The following SMPD4 variants were observed in gnomAD, a reference collection of about 807,000 sequenced individuals.
The protein encoded by SMPD4 is neutral sphingomyelinase 3.
A neutral mutation model predicts 97.8 loss-of-function variants in SMPD4; 58 were observed. That is an observed-to-expected ratio of 0.59 (90% confidence interval 0.48 to 0.74). SMPD4 has a LOEUF of 0.74. SMPD4 is among the 30% of genes least tolerant of loss of function. SMPD4 has a pLI of 0.00. For missense variants in SMPD4, 853 were observed against 1,080.5 expected (o/e 0.79, Z 2.95); for synonymous variants, 388 against 450.0 (o/e 0.86, Z 1.74).
chr2:130,169,200 C>T (rs1037196385), intron 8 of SMPD4, among the ~76,000 whole-genome samples: 3 of 152,148 alleles, frequency 2.0e-5, no homozygotes, highest in South Asian at 2.1e-4. Context: ...GCCTAAGGGG[C>T]GGCCGCATGC....
chr2:130,164,418 A>G lies in SMPD4; in HGVS notation c.820T>C (p.Tyr274His), dbSNP rs1687729580. The stretch of plus-strand genomic sequence containing the variant: ...ATTTTTTGATACATCTCCAAGGAAT[A>G]GTGATGAAGCCACATTTCAACAAAA... ...QVFVEMWLHHYSLEMYQKMQS... is the reference protein window; with the variant it reads ...QVFVEMWLHHHSLEMYQKMQS... The change falls in exon 10 of 20, where the codon TAT becomes CAT. Residue 274 changes from tyrosine to histidine, a missense_variant. Physicochemically the swap from Tyr to His is moderately conservative, Grantham distance 83. Around this residue, in one of 3 missense-constraint regions of SMPD4, gnomAD observed 313 missense variants for 402.2 expected, o/e 0.78. Transcript: ENST00000680298. The G allele has an allele frequency of 6.2e-7, 1 of 1,614,068 alleles. No homozygotes were observed. The highest frequency in any genetic ancestry group is 8.5e-7 in the Non-Finnish European group (1 of 1,180,024).
chr2:130,155,920 CG>C, intron 14 of SMPD4, 114 bp downstream of exon 14: 2 of 1,044,284 alleles, frequency 1.9e-6, no homozygotes, highest in East Asian at 2.5e-5. Context: ...CAGGAGGCCA[CG>C]GGGGCCAGGG....
rs548634162 is a variant in SMPD4, at chr2:130,164,131, G to T, written c.864+243C>A. 3.3e-5 allele frequency among the ~76,000 whole-genome samples: 5 copies of T among 152,300 alleles called. No homozygotes were observed. The East Asian group carries it at 9.7e-4, about 29-fold the overall frequency. ...GGGGGCTCAGGAAGCTGCACAGGGA[G>T]GGCCCCGGAGAGGCCAGACTTCCAG... On this transcript the variant is annotated intron_variant, in intron 10 of 19. Transcript: ENST00000680298.
chr2:130,159,984 A>G (rs1038169020), intron 11 of SMPD4, among the ~76,000 whole-genome samples: 1 of 152,102 alleles, frequency 6.6e-6, no homozygotes, highest in Non-Finnish European at 1.5e-5. Flanking sequence ...ATTTTCCCAT[A>G]GGTTTGCTGA....
intron 9 of SMPD4, among the ~76,000 whole-genome samples, chr2:130,164,650 C>T (rs1344985544): frequency 6.6e-6 from 1 of 152,120 alleles, no homozygotes; most frequent in Non-Finnish European, 1.5e-5. Context: ...TAAAACCATA[C>T]ACTCTTAGAA....
chr2:130,175,362 C>T (rs918372891), intron 2 of SMPD4, among the ~76,000 whole-genome samples: 9 of 152,138 alleles, frequency 5.9e-5, no homozygotes, highest in African/African-American at 2.2e-4. Flanking sequence ...TCACAAACCA[C>T]AGAGTATAAC....
chr2:130,162,922 G>A (rs1687566620), intron 10 of SMPD4, among the ~76,000 whole-genome samples: 2 of 152,212 alleles, frequency 1.3e-5, no homozygotes, highest in South Asian at 4.1e-4. Flanking sequence ...CTGGCCAAGA[G>A]GAAGCAAATG....
At chr2:130,168,276 T>C (rs1688113233) in intron 8 of SMPD4, among the ~76,000 whole-genome samples, 1 of 151,940 alleles carries the variant, frequency 6.6e-6, no homozygotes, top group Non-Finnish European at 1.5e-5. Context: ...ATACAAAAAT[T>C]AGCCAGGTGT....
Position 130,172,615 on chromosome 2 carries a change from C to G in SMPD4, c.507+10G>C. On this transcript the variant is annotated intron_variant, in intron 7 of 19. Transcript: ENST00000680298. ...CCCACCTCTCCCAGCAAAAGGCATC[C>G]CTTCCTTACCTTCTGAGTGATGAGG... The G allele has an allele frequency of 6.2e-7, 1 of 1,614,152 alleles. No homozygotes were observed. Among genetic ancestry groups the G allele is most frequent in the Non-Finnish European group, 8.5e-7 (1 of 1,179,984 alleles).
intron 1 of SMPD4, chr2:130,181,269 G>T (rs1689584633): frequency 7.3e-7 from 1 of 1,367,624 alleles, no homozygotes; most frequent in Non-Finnish European, 9.4e-7. Context: ...TTCCTTCAAC[G>T]AAGGTTAACC....
At chr2:130,152,986 G>T (rs916705816) in intron 19 of SMPD4, 57 bp downstream of exon 19, 99 of 1,572,988 alleles carry the variant, frequency 6.3e-5, no homozygotes, top group Non-Finnish European at 8.1e-5. Flanking sequence ...TGCACCCCAG[G>T]CAGGAGCATC....
chr2:130,156,782 C>T (rs775612752), intron 12 of SMPD4, 107 bp from the exon 13 acceptor site: 1 of 1,551,326 alleles, frequency 6.4e-7, no homozygotes, highest in South Asian at 1.2e-5. Context: ...CGGGGGAGAG[C>T]ACTGGGCACC....
Position 130,152,449 on chromosome 2 carries a change from G to A in SMPD4, c.*106C>T, listed in dbSNP as rs770480115. ...TGCAGGAACCCCGCTCCAGAAGCCC[G>A]AGGATGACCGTGTTCCCTCCTGGAG... On this transcript the variant is annotated 3_prime_UTR_variant, in exon 20 of 20. Coordinates refer to ENST00000680298, the MANE Select transcript of SMPD4 (RefSeq NM_017951.5). 2.2e-5 allele frequency: 28 copies of A among 1,267,574 alleles called. No individual in the cohort carries two copies. The highest frequency in any genetic ancestry group is 3.0e-5 in the African/African-American group (2 of 66,266). 78.5% of individuals were successfully genotyped at this position (1,267,574 alleles called of 1,614,324 possible). A position where few individuals can be genotyped will look rare whatever the true frequency, so the allele number is the denominator to read the frequency against.
rs537309643 is a variant in SMPD4 at position 130,179,110 on chromosome 2, G to A, written c.-46+2420C>T. On this transcript the variant is annotated intron_variant, in intron 1 of 19. Transcript: ENST00000680298. Reference sequence around the variant, plus strand: ...TCTCGGCAATAGGAACATCTCCCAAGTTTTTTCAATTCTTTTTTTTTTTTT... The same window carrying A: ...TCTCGGCAATAGGAACATCTCCCAAATTTTTTCAATTCTTTTTTTTTTTTT... Among the ~76,000 whole-genome samples the A allele has an allele frequency of 1.9e-4, 29 of 149,356 alleles. 1 individual carries two copies. The South Asian group carries it at 4.9e-3, about 25-fold the overall frequency.
Position 130,173,267 on chromosome 2 carries a change from T to C in SMPD4, c.345+12A>G, listed in dbSNP as rs1211251437. 1 of 1,613,450 alleles carries C rather than the reference T, an allele frequency of 6.2e-7. No homozygotes were observed. The highest frequency in any genetic ancestry group is 8.5e-7 in the Non-Finnish European group (1 of 1,179,586). ...GCCCCGAGCACCACTCTCGCCACTG[T>C]GGTTTACTTACAGGCAAGTAGGAGA... On this transcript the variant is annotated intron_variant, in intron 5 of 19. Transcript: ENST00000680298.
intron 1 of SMPD4, among the ~76,000 whole-genome samples, chr2:130,180,068 A>T (rs962128703): frequency 4.1e-5 from 6 of 146,980 alleles, no homozygotes; most frequent in Admixed American, 6.8e-5. Flanking sequence ...GGTTCACGCC[A>T]TTCTCCTGCC....
At chr2:130,154,557 G>A in intron 15 of SMPD4, 75 bp from the exon 16 acceptor site, 9 of 1,546,970 alleles carry the variant, frequency 5.8e-6, no homozygotes, top group Non-Finnish European at 7.9e-6. Context: ...AGGATTCTGG[G>A]GTGTCTCTGA....
Position 130,174,971 on chromosome 2 carries a change from C to T in SMPD4, c.69G>A (p.Lys23=), listed in dbSNP as rs112018449. ...AGTCTTGGCACTGCTGTGCAAAGGG[C>T]TTATTTATAGAGTCAGCTTTCAGGC... The part of the protein sequence containing the change: ...LASLKADSIN[K]PFAQQCQDLV... Residue 23 remains lysine, a synonymous_variant, in exon 3 of 20, where the codon AAG becomes AAA. Transcript: ENST00000680298. 572 of 1,608,614 alleles carry T rather than the reference C, an allele frequency of 3.6e-4. No individual in the cohort carries two copies. The highest frequency in any genetic ancestry group is 4.5e-4 in the Non-Finnish European group (528 of 1,175,338).
rs1474155348 is a variant in SMPD4, at chr2:130,167,540, A to C, written c.710T>G (p.Leu237Arg). Residue 237 changes from leucine to arginine, a missense_variant, in exon 9 of 20, where the codon CTA (leucine) becomes CGA (arginine). Leu to Arg is a moderately radical substitution (Grantham distance 102). Transcript: ENST00000680298. ...CGTCTGATGAGAGATGTGTCGCTTT[A>C]GGAGGCTAGTGTGGTGGAGGCCATA... ...ASYGLHHTSLLKRHISHQTSV... is the reference protein window; with the variant it reads ...ASYGLHHTSLRKRHISHQTSV... 1.2e-6 allele frequency: 2 copies of C among 1,613,846 alleles called. No individual in the cohort carries two copies. Among genetic ancestry groups the C allele is most frequent in the South Asian group, 2.2e-5 (2 of 91,070 alleles).
Sources: gnomAD v4.1 joint callset for allele counts (sites outside exome capture counted in the v4.1 genomes callset) on GRCh38, gnomAD v4.1.1 for gene constraint, gnomAD v4.1.1 regional missense constraint, MANE v1.5 for transcripts, NCBI Gene and HGNC (gene_info 2026-07-23, HGNC 2026-07-21) for gene names.